Variants in MAML3 observed in about 807,000 individuals in gnomAD.
MAML3 encodes the protein mastermind like transcriptional coactivator 3.
MAML3 carries 27 observed loss-of-function variants against 101.9 expected under a neutral mutation model. That is an observed-to-expected ratio of 0.27 (90% CI 0.20 to 0.37). The LOEUF (loss-of-function observed/expected upper bound fraction) is 0.37. Among genes scored for constraint, MAML3 ranks in the 10% least tolerant of loss-of-function variants. MAML3 has a pLI of 1.00. For missense variants in MAML3, 1,316 were observed against 1,444.9 expected, an observed-to-expected ratio of 0.91 and a Z score of 1.45; for synonymous variants, 501 against 555.9, an observed-to-expected ratio of 0.90 and a Z score of 1.39.
At chr4:139,866,586 T>C (rs1031515662) in intron 2 of MAML3, among the ~76,000 whole-genome samples, 11 of 152,228 alleles carry the variant, frequency 7.2e-5, no homozygotes, top group East Asian at 1.9e-4. Flanking sequence ...AGATGGAATC[T>C]ATTTGCGGCA....
chr4:139,837,986 G>A (rs1380432682), intron 2 of MAML3, among the ~76,000 whole-genome samples: 2 of 151,940 alleles, frequency 1.3e-5, no homozygotes, highest in African/African-American at 2.4e-5. Flanking sequence ...TTTTGGCTGG[G>A]TAAATAAGAG....
Position 139,719,472 on chromosome 4 carries a change from G to T in MAML3, c.3268C>A (p.Gln1090Lys), listed in dbSNP as rs1444275230. The change falls in exon 5 of 5, where the codon CAG becomes AAG. Residue 1090 changes from glutamine (Q) to lysine (K), a missense_variant. Physicochemically the swap from Gln to Lys is moderately conservative, Grantham distance 53. Transcript: ENST00000509479. ...CCACTGTAATTGTATGACACGTCCT[G>T]AGGGGCATTCCGCTCATAGGCTTGG... ...QSQAYERNAP[Q>K]DVSYNYSGDG... is the part of the protein sequence containing the mutation. 3.1e-6 allele frequency: 5 copies of T among 1,614,030 alleles called. No individual in the cohort carries two copies. Among genetic ancestry groups the T allele is most frequent in the Non-Finnish European group, 3.4e-6 (4 of 1,179,900 alleles).
chr4:139,808,593 C>T (rs1371612655), intron 2 of MAML3, among the ~76,000 whole-genome samples: 1 of 152,134 alleles, frequency 6.6e-6, no homozygotes, highest in Non-Finnish European at 1.5e-5. Context: ...AAGCAGGTGA[C>T]ACATTATAGG....
intron 1 of MAML3, among the ~76,000 whole-genome samples, chr4:139,927,837 G>T (rs936186883): frequency 6.6e-6 from 1 of 152,088 alleles, no homozygotes; most frequent in Non-Finnish European, 1.5e-5. Flanking sequence ...GATGTTTCAG[G>T]TTTATTTTGT....
intron 1 of MAML3, among the ~76,000 whole-genome samples, chr4:139,915,240 G>A (rs933512785): frequency 6.6e-6 from 1 of 152,208 alleles, no homozygotes; most frequent in Non-Finnish European, 1.5e-5. Context: ...GGCAACAGCA[G>A]CAGGTTAACA....
intron 1 of MAML3, chr4:140,127,996 C>T (rs1728710366): frequency 6.6e-6 from 1 of 152,190 alleles, no homozygotes; most frequent in Non-Finnish European, 1.5e-5. Context: ...AATGTGACTT[C>T]ACTAAATTGC....
At chr4:139,966,808 G>T (rs1734141635) in intron 1 of MAML3, among the ~76,000 whole-genome samples, 1 of 152,160 alleles carries the variant, frequency 6.6e-6, no homozygotes, top group African/African-American at 2.4e-5. Context: ...TACCCATCAT[G>T]AAAGGAAAAA....
At chr4:139,744,816 T>G (rs764418631) in intron 2 of MAML3, among the ~76,000 whole-genome samples, 3 of 152,146 alleles carry the variant, frequency 2.0e-5, no homozygotes, top group Non-Finnish European at 2.9e-5. Flanking sequence ...GTGTGGCGTG[T>G]GTTCTGTTTC....
intron 2 of MAML3, among the ~76,000 whole-genome samples, chr4:139,878,625 T>A (rs546259557): frequency 6.6e-6 from 1 of 152,250 alleles, no homozygotes; most frequent in South Asian, 2.1e-4. Flanking sequence ...TGTAGCAGAA[T>A]GCACCTTGAA....
chr4:139,924,953 C>T (rs1357215024), intron 1 of MAML3, among the ~76,000 whole-genome samples: 4 of 151,610 alleles, frequency 2.6e-5, no homozygotes, highest in Non-Finnish European at 5.9e-5. Flanking sequence ...CCCAAATTAA[C>T]AACGGAAGGA....
At position 140,153,164 on chromosome 4, in the gene MAML3, C is replaced by T; in HGVS notation, c.164G>A (p.Gly55Asp). The change falls in exon 1 of 5, where the codon GGC becomes GAC. Residue 55 changes from glycine to aspartate, a missense_variant. Gly to Asp is a moderately conservative substitution (Grantham distance 94). Transcript: ENST00000509479. ...SSNHPAAGGC[G>D]GSGGPGGGSA... The stretch of plus-strand genomic sequence containing the variant: ...ACCGCCGCCGGGGCCCCCGGAGCCG[C>T]CGCATCCACCGGCTGCCGGGTGATT... 1.3e-6 allele frequency: 2 copies of T among 1,551,202 alleles called. No individual in the cohort carries two copies. Among genetic ancestry groups the T allele is most frequent in the Non-Finnish European group, 8.7e-7 (1 of 1,147,116 alleles).
At chr4:139,925,532 AGTCCCT>A (rs1274607036) in intron 1 of MAML3, among the ~76,000 whole-genome samples, 1 of 152,132 alleles carries the variant, frequency 6.6e-6, no homozygotes, top group African/African-American at 2.4e-5. Context: ...ATCCGGCCCC[AGTCCCT>A]GTACTCTTGA....
rs147978072 is a variant in MAML3, at chr4:139,723,099, T to C, written c.2416+2652A>G. Among the ~76,000 whole-genome samples the C allele has an allele frequency of 1.8e-4, 28 of 152,384 alleles. No homozygotes were observed. The East Asian group carries it at 5.0e-3, about 27-fold the overall frequency. On this transcript the variant is annotated intron_variant, in intron 4 of 4. Transcript: ENST00000509479. ...ATAGTATCTTATTGGTTGAGGATGA[T>C]ATCATATCTATATGAGTGCGAAATA...
chr4:139,895,676 C>A (rs1310283348), intron 1 of MAML3, among the ~76,000 whole-genome samples: 1 of 152,186 alleles, frequency 6.6e-6, no homozygotes, highest in Admixed American at 6.5e-5. Context: ...CTCTAGCCAG[C>A]AAAACCCTAA....
chr4:140,068,832 T>C (rs1418025237), intron 1 of MAML3, among the ~76,000 whole-genome samples: 1 of 152,202 alleles, frequency 6.6e-6, no homozygotes, highest in Non-Finnish European at 1.5e-5. Flanking sequence ...TAGGCCACTC[T>C]CTAGTACATA....
intron 2 of MAML3, among the ~76,000 whole-genome samples, chr4:139,878,944 C>A (rs1268927999): frequency 1.3e-5 from 2 of 152,144 alleles, no homozygotes; most frequent in Admixed American, 6.5e-5. Flanking sequence ...TAAGACTGTG[C>A]CCTTAAATCC....
chr4:139,793,302 A>G (rs972884972), intron 2 of MAML3, among the ~76,000 whole-genome samples: 2 of 152,192 alleles, frequency 1.3e-5, no homozygotes, highest in Admixed American at 6.5e-5. Context: ...CTCCCCGTAC[A>G]GGACATTTAT....
rs180814600 is a variant in MAML3, at chr4:140,071,921, A to G, written c.468+80939T>C. Among the ~76,000 whole-genome samples the G allele has an allele frequency of 6.6e-3, 1,001 of 152,256 alleles. 3 individuals carry two copies. The highest frequency in any genetic ancestry group is 0.01 in the Middle Eastern group (3 of 294). ...GGTGTGGGGTGCAAGAATGTCCTAG[A>G]ATGTAATATTTGAAGAATGTGTTCA... On this transcript the variant is annotated intron_variant, in intron 1 of 4. Coordinates refer to ENST00000509479, the MANE Select transcript of MAML3 (RefSeq NM_018717.5).
chr4:140,103,561 C>T (rs1728286083), intron 1 of MAML3, among the ~76,000 whole-genome samples: 1 of 152,204 alleles, frequency 6.6e-6, no homozygotes, highest in Non-Finnish European at 1.5e-5. Flanking sequence ...GAAAGCCTTT[C>T]ATCTAAAATT....
Sources: allele counts gnomAD v4.1 joint callset (sites outside exome capture counted in the v4.1 genomes callset), GRCh38; gene constraint gnomAD v4.1.1; transcripts MANE v1.5; gene names NCBI Gene and HGNC (gene_info 2026-07-23, HGNC 2026-07-21).